EYS: variants seen among roughly 807,000 people sequenced by gnomAD.
EYS encodes the protein EGF-like photoreceptor maintenance factor.
Under a neutral mutation model 282.1 loss-of-function variants are expected in EYS, and 250 were observed. The ratio of observed to expected loss-of-function variants is 0.89; its 90% CI spans 0.80 to 0.98. EYS has a LOEUF of 0.98. Among genes scored for constraint, EYS ranks in the 50% least tolerant of loss-of-function variants. The pLI, the probability that EYS is intolerant of heterozygous loss-of-function variation, is 0.00. For synonymous variants in EYS, 1,355 were observed against 1,282.9 expected (o/e 1.06, Z -1.20); for missense variants, 4,016 against 3,709.0 (o/e 1.08, Z -2.15).
intron 30 of EYS, among the ~76,000 whole-genome samples, chr6:64,280,896 T>A (rs1319651244): frequency 1.3e-5 from 2 of 152,144 alleles, no homozygotes; most frequent in Non-Finnish European, 2.9e-5. Flanking sequence ...ATTTAAACTT[T>A]GAGAAAATTA....
At chr6:64,317,150 T>A (rs6914523) in intron 29 of EYS, among the ~76,000 whole-genome samples, 1 of 151,998 alleles carries the variant, frequency 6.6e-6, no homozygotes. Context: ...GACATAGGCA[T>A]GGCAAAGACT....
At position 65,005,615 on chromosome 6, in the gene EYS, C is replaced by T. The variant is rs543363731; in HGVS notation, c.2138-7912G>A. Reference sequence around the variant, plus strand: ...CGGGCACCTGTCCGCCAGTTAAAAACGATTAGCATGGCCGCTGGACTTAAG... The same window carrying T: ...CGGGCACCTGTCCGCCAGTTAAAAATGATTAGCATGGCCGCTGGACTTAAG... On this transcript the variant is annotated intron_variant, in intron 13 of 42. Coordinates refer to ENST00000503581, the MANE Select transcript of EYS (RefSeq NM_001142800.2). 2.1e-3 allele frequency among the ~76,000 whole-genome samples: 304 copies of T among 147,814 alleles called. 13 individuals are homozygous for T. The highest frequency in any genetic ancestry group is 7.0e-3 in the African/African-American group (288 of 41,332).
chr6:65,383,405 T>G (rs1017048176), intron 8 of EYS, among the ~76,000 whole-genome samples: 1 of 151,916 alleles, frequency 6.6e-6, no homozygotes, highest in Non-Finnish European at 1.5e-5. Flanking sequence ...ACTATTGGTT[T>G]CTAAAAAGTT....
chr6:64,481,679 G>C (rs1345735992), intron 26 of EYS, among the ~76,000 whole-genome samples: 1 of 142,256 alleles, frequency 7.0e-6, no homozygotes, highest in Non-Finnish European at 1.6e-5. Context: ...AGAGAAAACG[G>C]CCTGAGAGGC....
chr6:65,567,870 G>T (rs779268097), intron 2 of EYS, among the ~76,000 whole-genome samples: 2 of 151,926 alleles, frequency 1.3e-5, no homozygotes, highest in Non-Finnish European at 2.9e-5. Context: ...TGCCTAATTA[G>T]CTTGCTAATG....
Position 64,593,171 on chromosome 6 carries a change from A to G in EYS, c.3823T>C (p.Ser1275Pro). The G allele has an allele frequency of 2.6e-6, 4 of 1,549,420 alleles. No individual in the cohort carries two copies. The highest frequency in any genetic ancestry group is 3.5e-6 in the Non-Finnish European group (4 of 1,145,944). The change falls in exon 25 of 43, where the codon TCT becomes CCT. Residue 1275 changes from serine (S) to proline (P), a missense_variant. Transcript: ENST00000503581. ...GCTGGTATTCTAGTAGCCTTTATAG[A>G]TGGAAAGCTGCTGACCAAAGTCTCA... ...PSETLVSSFPSIKATRIPAIM... is the reference protein window; with the variant it reads ...PSETLVSSFPPIKATRIPAIM...
At chr6:65,225,247 GAAAACTA>G (rs1169354364) in intron 12 of EYS, among the ~76,000 whole-genome samples, 5 of 149,832 alleles carry the variant, frequency 3.3e-5, no homozygotes, top group Non-Finnish European at 5.9e-5. Context: ...ACTTTTACAA[GAAAACTA>G]AAAACTAATT....
At chr6:63,891,971 C>A (rs1773420321) in intron 35 of EYS, among the ~76,000 whole-genome samples, 1 of 152,188 alleles carries the variant, frequency 6.6e-6, no homozygotes, top group African/African-American at 2.4e-5. Flanking sequence ...AGCAAACTCA[C>A]ATTTACAATT....
At chr6:63,878,599 C>T (rs879578375) in intron 35 of EYS, among the ~76,000 whole-genome samples, 1 of 152,202 alleles carries the variant, frequency 6.6e-6, no homozygotes, top group Non-Finnish European at 1.5e-5. Flanking sequence ...AGCAGGCAGG[C>T]CTCCTTGAAC....
chr6:65,353,680 T>A, intron 8 of EYS, 63 bp from the exon 9 acceptor site: 1 of 1,395,826 alleles, frequency 7.2e-7, no homozygotes, highest in Non-Finnish European at 1.0e-6. Flanking sequence ...AATATATACA[T>A]ATAACATAAA....
In EYS at chr6:65,528,536, A is replaced by T. The variant is rs138773725; in HGVS notation, c.-332-32543T>A. Among the ~76,000 whole-genome samples the T allele has an allele frequency of 3.9e-5, 6 of 152,332 alleles. No homozygotes were observed. In the East Asian group the frequency reaches 1.2e-3, roughly 29 times the overall value. ...AGAGGAATGGGTTCCTTTGTAAAAA[A>T]GTAACTTGACCCCCTCTTGCCGTCT... On this transcript the variant is annotated intron_variant, in intron 2 of 42. Transcript: ENST00000503581.
chr6:63,987,419 T>C (rs192098001), intron 34 of EYS, among the ~76,000 whole-genome samples: 1 of 151,882 alleles, frequency 6.6e-6, no homozygotes, highest in East Asian at 1.9e-4. Context: ...AGAATGATGC[T>C]AAAATCAGTT....
chr6:64,761,208 G>T (rs1773146723), intron 22 of EYS, among the ~76,000 whole-genome samples: 1 of 152,014 alleles, frequency 6.6e-6, no homozygotes. Flanking sequence ...GAGCAGTGAG[G>T]GATTAAAAGA....
chr6:63,982,109 A>T (rs978049361), intron 35 of EYS, among the ~76,000 whole-genome samples: 1 of 151,854 alleles, frequency 6.6e-6, no homozygotes, highest in East Asian at 1.9e-4. Flanking sequence ...TACTTGGCTT[A>T]CTAAATATCA....
intron 15 of EYS, among the ~76,000 whole-genome samples, chr6:64,922,399 G>C (rs1583296318): frequency 6.6e-6 from 1 of 152,240 alleles, no homozygotes; most frequent in South Asian, 2.1e-4. Flanking sequence ...TTGTGTTTGT[G>C]TGCAAATGTA....
intron 22 of EYS, among the ~76,000 whole-genome samples, chr6:64,638,172 A>T (rs1768035948): frequency 1.1e-5 from 1 of 91,226 alleles, no homozygotes; most frequent in African/African-American, 4.2e-5. Flanking sequence ...TTTATGAAAA[A>T]ACAATTTTAA....
At chr6:64,881,061 C>A (rs1766902896) in intron 19 of EYS, among the ~76,000 whole-genome samples, 1 of 151,572 alleles carries the variant, frequency 6.6e-6, no homozygotes, top group South Asian at 2.1e-4. Context: ...TGAATCAATT[C>A]AGAATTTACT....
chr6:65,492,742 T>G (rs1766094476), intron 4 of EYS, among the ~76,000 whole-genome samples: 1 of 152,154 alleles, frequency 6.6e-6, no homozygotes, highest in South Asian at 2.1e-4. Context: ...CACAGTCAAA[T>G]GAGAATTTGA....
chr6:65,592,842 T>C lies in EYS; in HGVS notation c.-333+46936A>G, dbSNP rs557791720. On this transcript the variant is annotated intron_variant, in intron 2 of 42. Coordinates refer to ENST00000503581, the MANE Select transcript of EYS (RefSeq NM_001142800.2). ...CCTAATGTCATTGAGCAGTACAACA[T>C]GTTTATAATTAAAATGAATGAAACT... Among the ~76,000 whole-genome samples, 4 of 152,140 alleles carry C rather than the reference T, an allele frequency of 2.6e-5. No individual in the cohort carries two copies. In the East Asian group the frequency reaches 7.7e-4, roughly 29 times the overall value.
Sources: gnomAD v4.1 joint callset for allele counts (sites outside exome capture counted in the v4.1 genomes callset) on GRCh38, gnomAD v4.1.1 for gene constraint, MANE v1.5 for transcripts, NCBI Gene and HGNC (gene_info 2026-07-23, HGNC 2026-07-21) for gene names.